LRCH2: variants seen among roughly 807,000 people sequenced by gnomAD.
LRCH2 encodes the protein leucine rich repeats and calponin homology domain containing 2.
Under a neutral mutation model 68.9 loss-of-function variants are expected in LRCH2, and 38 were observed. The ratio of observed to expected loss-of-function variants is 0.55; its 90% CI spans 0.43 to 0.72. LRCH2 has a LOEUF of 0.72. LRCH2 is among the 30% of genes least tolerant of loss of function. The pLI is 0.00. For missense variants in LRCH2, 528 were observed against 572.9 expected (o/e 0.92, Z 0.80); for synonymous variants, 191 against 208.1 (o/e 0.92, Z 0.71).
At chrX:115,190,572 C>CA in intron 1 of LRCH2, 3 of 1,057,292 alleles carry the variant, frequency 2.8e-6, no homozygotes, top group Non-Finnish European at 3.7e-6. Flanking sequence ...GTAACGGTTA[C>CA]AGCCGGAGTG....
At chrX:115,196,059 G>T (rs1243208214) in intron 1 of LRCH2, among the ~76,000 whole-genome samples, 1 of 111,454 alleles carries the variant, frequency 9.0e-6, no homozygotes, top group African/African-American at 3.3e-5. Flanking sequence ...GCAGGAATGG[G>T]GATCAATGGG....
intron 14 of LRCH2, among the ~76,000 whole-genome samples, chrX:115,144,496 AAAG>A (rs782546529): frequency 9.0e-4 from 99 of 110,087 alleles, no homozygotes; most frequent in African/African-American, 3.1e-3. Flanking sequence ...CCAAATTGGA[AAAG>A]AAGAAGTCAA....
intron 11 of LRCH2, among the ~76,000 whole-genome samples, chrX:115,157,436 G>A: frequency 9.1e-6 from 1 of 109,612 alleles, no homozygotes; most frequent in East Asian, 2.8e-4. Context: ...GCTATATATT[G>A]ACTAATAAAA....
chrX:115,149,899 T>C lies in LRCH2; in HGVS notation c.1623A>G (p.Pro541=), dbSNP rs1556537792. The C allele has an allele frequency of 1.7e-6, 2 of 1,205,254 alleles. No individual in the cohort carries two copies. Among genetic ancestry groups the C allele is most frequent in the Admixed American group, 4.4e-5 (2 of 45,497 alleles). Residue 541 remains proline (P), a synonymous_variant, in exon 14 of 21, where the codon CCA becomes CCG. Transcript: ENST00000317135. ...TCTGCCAGATTATAGGGTGAGATTC[T>C]GGCCACGGTTGTTCATCTATTTGAT... ...QKDQIDEQPW[P]ESHPIIWQSE...
intron 1 of LRCH2, chrX:115,192,665 C>A (rs1556561665): frequency 8.6e-7 from 1 of 1,158,518 alleles, no homozygotes; most frequent in Non-Finnish European, 1.2e-6. Context: ...GACTTGGGCC[C>A]AAAAATTCCT....
At chrX:115,174,974 C>G (rs2072636073) in intron 5 of LRCH2, among the ~76,000 whole-genome samples, 1 of 111,291 alleles carries the variant, frequency 9.0e-6, no homozygotes. Context: ...TCCCTCACCT[C>G]CAGGAACCAG....
chrX:115,190,000 G>A, intron 1 of LRCH2: 1 of 1,161,666 alleles, frequency 8.6e-7, no homozygotes, highest in East Asian at 3.3e-5. Context: ...GACTGTGTCG[G>A]GGCAAGATGG....
At chrX:115,154,984 A>T (rs1168920586) in intron 12 of LRCH2, among the ~76,000 whole-genome samples, 4 of 97,904 alleles carry the variant, frequency 4.1e-5, no homozygotes, top group Non-Finnish European at 8.1e-5. Flanking sequence ...AACATGGTGA[A>T]ATCTCATCTC....
rs377378113 is a variant in LRCH2, at chrX:115,130,107, T to C, written c.1740+48A>G. ...TTTTACTCTCACTGAGCCAACTTCA[T>C]ATGATAAGTAAACATTTCAAATAAT... On this transcript the variant is annotated intron_variant, in intron 15 of 20. Coordinates refer to ENST00000317135, the MANE Select transcript of LRCH2 (RefSeq NM_020871.4). The C allele has an allele frequency of 4.3e-4, 329 of 765,408 alleles. 2 individuals are homozygous for C. Among genetic ancestry groups the C allele is most frequent in the Non-Finnish European group, 5.2e-5 (28 of 537,475 alleles). 63.1% of individuals were successfully genotyped at this position (765,408 alleles called of 1,213,427 possible). A position where few individuals can be genotyped will look rare whatever the true frequency, so the allele number is the denominator to read the frequency against.
At chrX:115,183,452 T>C (rs2147409281) in intron 3 of LRCH2, among the ~76,000 whole-genome samples, 1 of 111,487 alleles carries the variant, frequency 9.0e-6, no homozygotes, top group Non-Finnish European at 1.9e-5. Context: ...GCCAGCACTT[T>C]GGGAGGCCGA....
intron 14 of LRCH2, among the ~76,000 whole-genome samples, chrX:115,135,190 T>C (rs1337639522): frequency 9.4e-6 from 1 of 105,847 alleles, no homozygotes; most frequent in Non-Finnish European, 1.9e-5. Context: ...GTCGTGATCT[T>C]GGCTCACTGC....
intron 14 of LRCH2, among the ~76,000 whole-genome samples, chrX:115,135,696 C>G (rs1231701558): frequency 9.0e-6 from 1 of 111,453 alleles, no homozygotes; most frequent in African/African-American, 3.3e-5. Context: ...TGCTATCTAA[C>G]AGCATCGCAT....
At chrX:115,160,064 T>C (rs62601520) in intron 11 of LRCH2, among the ~76,000 whole-genome samples, 11,725 of 111,165 alleles carry the variant, frequency 0.11, 604 homozygotes, top group Non-Finnish European at 0.16. Flanking sequence ...ACACCTGTAA[T>C]CCCAGCACTT....
chrX:115,163,757 T>C lies in LRCH2; in HGVS notation c.1382A>G (p.Glu461Gly). The C allele has an allele frequency of 8.3e-7, 1 of 1,197,694 alleles. No homozygotes were observed. Among genetic ancestry groups the C allele is most frequent in the Non-Finnish European group, 1.1e-6 (1 of 886,564 alleles). Reference protein sequence around the residue: ...KRLEKEQLLAEEEDDDLKEVT... With the variant: ...KRLEKEQLLAGEEDDDLKEVT... ...TTCCTTCAAATCATCATCCTCTTCC[T>C]CTGCCAGTAACTGTTCTTTCTCAAG... The change falls in exon 11 of 21, where the codon GAG (glutamate) becomes GGG (glycine). Residue 461 changes from glutamate (E) to glycine (G), a missense_variant. Transcript: ENST00000317135.
intron 11 of LRCH2, among the ~76,000 whole-genome samples, chrX:115,162,321 G>C (rs1401515289): frequency 1.8e-5 from 2 of 111,895 alleles, no homozygotes; most frequent in Non-Finnish European, 3.8e-5. Flanking sequence ...AAGCTCCACA[G>C]AACAGGTGGT....
intron 20 of LRCH2, among the ~76,000 whole-genome samples, chrX:115,121,915 G>A (rs1268454637): frequency 9.0e-6 from 1 of 110,882 alleles, no homozygotes; most frequent in African/African-American, 3.3e-5. Context: ...TTCATGTTGA[G>A]GTTAGGTTTA....
chrX:115,205,551 A>G (rs2072960078), intron 1 of LRCH2, among the ~76,000 whole-genome samples: 1 of 112,436 alleles, frequency 8.9e-6, no homozygotes, highest in African/African-American at 3.2e-5. Context: ...TGCTAAAAAT[A>G]GGAAAACTAT....
intron 1 of LRCH2, among the ~76,000 whole-genome samples, chrX:115,199,415 A>G (rs1392780216): frequency 8.9e-6 from 1 of 112,397 alleles, no homozygotes; most frequent in Non-Finnish European, 1.9e-5. Context: ...AGAAACTCAC[A>G]TTACTTGTAA....
intron 16 of LRCH2, among the ~76,000 whole-genome samples, chrX:115,125,624 TATATAC>T (rs2072191427): frequency 8.2e-5 from 7 of 85,392 alleles, no homozygotes; most frequent in Admixed American, 1.4e-4. Flanking sequence ...TATATGTATA[TATATAC>T]ATATATATAC....
Sources: gnomAD v4.1 joint callset for allele counts (sites outside exome capture counted in the v4.1 genomes callset) on GRCh38, gnomAD v4.1.1 for gene constraint, MANE v1.5 for transcripts, NCBI Gene and HGNC (gene_info 2026-07-23, HGNC 2026-07-21) for gene names.